Variants in EFL1 observed in about 807,000 individuals in gnomAD.
The protein encoded by EFL1 is elongation factor-like GTPase 1.
In EFL1, 76 loss-of-function variants were observed where a neutral mutation model predicts 126.7. That is an observed-to-expected ratio of 0.60 (90% confidence interval 0.50 to 0.73). EFL1 has a LOEUF of 0.73. EFL1 is among the 30% of genes least tolerant of loss of function. The pLI, the probability that EFL1 is intolerant of heterozygous loss-of-function variation, is 0.00. For missense variants in EFL1, 1,128 were observed against 1,343.2 expected (o/e 0.84, Z 2.50); for synonymous variants, 410 against 448.4 (o/e 0.91, Z 1.08).
At position 82,231,102 on chromosome 15, in the gene EFL1, C is replaced by T. The variant is rs1333941976; in HGVS notation, c.732-131G>A. On this transcript the variant is annotated intron_variant, in intron 7 of 19. Coordinates refer to ENST00000268206, the MANE Select transcript of EFL1 (RefSeq NM_024580.6). The stretch of plus-strand genomic sequence containing the variant: ...TATCCTACAAAATTTCCTCATTTTA[C>T]AGAAAAGGGTAATGAAGCAGAGATA... 3.6e-6 allele frequency: 4 copies of T among 1,097,440 alleles called. No homozygotes were observed. The African/African-American group carries it at 6.4e-5, about 17-fold the overall frequency. The allele number at this position is 1,097,440 out of a possible 1,614,324, so 68.0% of individuals were successfully genotyped here.
In EFL1 at chr15:82,261,669, A is replaced by G; in HGVS notation, c.91+19T>C. ...TCTCCCTTATTTATCAAAATAAGCC[A>G]TTTAAAAAGTATTCTTACCATGGTC... On this transcript the variant is annotated intron_variant, in intron 2 of 19. Transcript: ENST00000268206. 1 of 1,610,650 alleles carries G rather than the reference A, an allele frequency of 6.2e-7. No individual in the cohort carries two copies. The highest frequency in any genetic ancestry group is 2.2e-5 in the East Asian group (1 of 44,848).
At chr15:82,192,515 C>T (rs1278156405) in intron 15 of EFL1, among the ~76,000 whole-genome samples, 1 of 151,718 alleles carries the variant, frequency 6.6e-6, no homozygotes, top group East Asian at 1.9e-4. Context: ...TTAGCAGTGA[C>T]AAAAATTAGA....
chr15:82,231,040 A>C (rs1210159768), intron 7 of EFL1, 69 bp from the exon 8 acceptor site: 3 of 1,538,576 alleles, frequency 1.9e-6, no homozygotes, highest in Admixed American at 3.9e-5. Context: ...GGTACTGTTC[A>C]AACTTCTTTA....
chr15:82,170,648 T>C (rs1020031003), intron 15 of EFL1, among the ~76,000 whole-genome samples: 1 of 152,246 alleles, frequency 6.6e-6, no homozygotes, highest in Non-Finnish European at 1.5e-5. Context: ...GCAGTGGTTT[T>C]ATTCATAGAT....
intron 15 of EFL1, among the ~76,000 whole-genome samples, chr15:82,196,724 T>C (rs1431851877): frequency 6.6e-6 from 1 of 152,232 alleles, no homozygotes; most frequent in Non-Finnish European, 1.5e-5. Context: ...TTGATATATC[T>C]TTCAAGTGCA....
chr15:82,241,524 T>C (rs922334614), intron 4 of EFL1, 121 bp from the exon 5 acceptor site: 6 of 1,255,642 alleles, frequency 4.8e-6, no homozygotes, highest in Admixed American at 5.7e-5. Context: ...GCTAAAGGAG[T>C]TGAAAGCTCA....
At chr15:82,136,798 T>A (rs2073726806) in intron 19 of EFL1, among the ~76,000 whole-genome samples, 1 of 152,126 alleles carries the variant, frequency 6.6e-6, no homozygotes, top group Admixed American at 6.5e-5. Flanking sequence ...AAAAAATAAA[T>A]GTTTGGGGGG....
intron 4 of EFL1, among the ~76,000 whole-genome samples, chr15:82,249,735 T>C (rs1250545458): frequency 2.0e-5 from 3 of 152,066 alleles, no homozygotes; most frequent in Non-Finnish European, 4.4e-5. Context: ...ATGATCCCAA[T>C]ATTTGTAGCA....
intron 15 of EFL1, among the ~76,000 whole-genome samples, chr15:82,211,549 T>TACACAC (rs35812924): frequency 0.17 from 16,402 of 94,324 alleles, 1,926 homozygotes; most frequent in African/African-American, 0.29. Flanking sequence ...AAAATCTATA[T>TACACAC]ACACACACAC....
intron 15 of EFL1, among the ~76,000 whole-genome samples, chr15:82,196,262 A>G (rs1272986333): frequency 1.3e-5 from 2 of 152,150 alleles, no homozygotes; most frequent in Non-Finnish European, 2.9e-5. Context: ...TGCCCCTTAC[A>G]AAGGGAAAGA....
chr15:82,203,116 CCTAA>C, intron 15 of EFL1, among the ~76,000 whole-genome samples: 1 of 151,924 alleles, frequency 6.6e-6, no homozygotes, highest in South Asian at 2.1e-4. Context: ...CAGACTGTTC[CCTAA>C]CTTTTTGAAG....
At chr15:82,227,327 TGGAAG>T (rs1390281907) in intron 11 of EFL1, 118 bp downstream of exon 11, 26 of 1,429,646 alleles carry the variant, frequency 1.8e-5, no homozygotes, top group Non-Finnish European at 2.3e-5. Context: ...TGTTCATCTG[TGGAAG>T]TGGACATTTG....
intron 4 of EFL1, among the ~76,000 whole-genome samples, chr15:82,250,203 C>G (rs185801521): frequency 7.4e-6 from 1 of 134,526 alleles, no homozygotes; most frequent in Non-Finnish European, 1.6e-5. Flanking sequence ...AAAAACATAT[C>G]TCATCTCTCA....
Position 82,229,074 on chromosome 15 carries a change from G to A in EFL1, c.892C>T (p.Leu298=), listed in dbSNP as rs2074793989. ...GKKPLFVQLI[L]ENIWSLYDAV... ...TCATACAAACTCCATATATTTTCCA[G>A]GATCAACTGTACAAATAAAGGTTTC... The change falls in exon 9 of 20, where the codon CTG becomes TTG. Residue 298 remains leucine (L), a synonymous_variant. Coordinates refer to ENST00000268206, the MANE Select transcript of EFL1 (RefSeq NM_024580.6). 6.2e-7 allele frequency: 1 copy of A among 1,611,526 alleles called. No individual in the cohort carries two copies. The highest frequency in any genetic ancestry group is 1.7e-5 in the Admixed American group (1 of 59,846).
At chr15:82,198,019 CTACTGAGCATTCA>C (rs1163939335) in intron 15 of EFL1, among the ~76,000 whole-genome samples, 1 of 152,224 alleles carries the variant, frequency 6.6e-6, no homozygotes, top group African/African-American at 2.4e-5. Flanking sequence ...AGCACAAAAT[CTACTGAGCATTCA>C]TATGCCGTTA....
At chr15:82,185,967 C>T (rs1291210899) in intron 15 of EFL1, among the ~76,000 whole-genome samples, 1 of 152,158 alleles carries the variant, frequency 6.6e-6, no homozygotes, top group African/African-American at 2.4e-5. Context: ...AGACATTTAA[C>T]TATTGTACTC....
In EFL1 at chr15:82,260,426, A is replaced by T. The variant is rs2075103068; in HGVS notation, c.91+1262T>A. Among the ~76,000 whole-genome samples, 5 of 152,244 alleles carry T rather than the reference A, an allele frequency of 3.3e-5. No individual in the cohort carries two copies. In the South Asian group the frequency reaches 1.0e-3, roughly 32 times the overall value. On this transcript the variant is annotated intron_variant, in intron 2 of 19. Coordinates refer to ENST00000268206, the MANE Select transcript of EFL1 (RefSeq NM_024580.6). ...CTCACATTACTTCAGCTCTTCTATC[A>T]ATGACAACAGCCACCTAATCTCTGA...
chr15:82,245,622 T>C (rs1036251503), intron 4 of EFL1, among the ~76,000 whole-genome samples: 1 of 151,814 alleles, frequency 6.6e-6, no homozygotes, highest in African/African-American at 2.4e-5. Context: ...AGGTGAAGGG[T>C]GGTTGACTCT....
rs1474155613 is a variant in EFL1, at chr15:82,228,291, T to C, written c.969A>G (p.Leu323=). 1 of 1,613,942 alleles carries C rather than the reference T, an allele frequency of 6.2e-7. No individual in the cohort carries two copies. Among genetic ancestry groups the C allele is most frequent in the Non-Finnish European group, 8.5e-7 (1 of 1,179,952 alleles). ...KDKIDKIVTS[L]GLKIGAREAR... is the part of the protein sequence containing the mutation. ...CCTCCCGGGCTCCAATTTTTAATCCTAAAGAAGTCACTATTTTATCAATTT... is the reference window on the plus strand; with the variant it reads ...CCTCCCGGGCTCCAATTTTTAATCCCAAAGAAGTCACTATTTTATCAATTT... The change falls in exon 10 of 20, where the codon TTA becomes TTG. Residue 323 remains leucine (L), a synonymous_variant. Coordinates refer to ENST00000268206, the MANE Select transcript of EFL1 (RefSeq NM_024580.6).
Sources: gnomAD v4.1 joint callset for allele counts (sites outside exome capture counted in the v4.1 genomes callset) on GRCh38, gnomAD v4.1.1 for gene constraint, MANE v1.5 for transcripts, NCBI Gene and HGNC (gene_info 2026-07-23, HGNC 2026-07-21) for gene names.